MYH7: variants seen among roughly 807,000 people sequenced by gnomAD.
MYH7 encodes myosin-7.
MYH7 carries 129 observed loss-of-function variants against 225.4 expected under a neutral mutation model. That is an observed-to-expected ratio of 0.57 (90% CI 0.50 to 0.66). MYH7 has a LOEUF of 0.66. MYH7 is among the 30% of genes least tolerant of loss of function. The pLI is 0.00. For synonymous variants in MYH7, 971 were observed against 1,007.6 expected (o/e 0.96, Z 0.69); for missense variants, 1,649 against 2,517.0 (o/e 0.66, Z 7.38).
chr14:23,424,877 TGTGAA>T lies in MYH7; in HGVS notation c.2566_2570del (p.Phe856ThrfsTer29). 1.2e-6 allele frequency: 2 copies of T among 1,614,224 alleles called. No homozygotes were observed. Among genetic ancestry groups the T allele is most frequent in the Non-Finnish European group, 1.7e-6 (2 of 1,180,030 alleles). ...ACTTCTCTAGCGCCTCTTTGAGGCGTGTGAACTCCTCCTTCATGGAGGCCATCTCC... is the reference window on the plus strand; with the variant it reads ...ACTTCTCTAGCGCCTCTTTGAGGCGTCTCCTCCTTCATGGAGGCCATCTCC... On this transcript the variant is annotated frameshift_variant, in exon 22 of 40. Coordinates refer to ENST00000355349, the MANE Select transcript of MYH7 (RefSeq NM_000257.4). LOFTEE classifies it high-confidence loss of function.
chr14:23,433,592 G>C lies in MYH7; in HGVS notation c.141C>G (p.Val47=). The C allele has an allele frequency of 6.2e-7, 1 of 1,614,204 alleles. No individual in the cohort carries two copies. The highest frequency in any genetic ancestry group is 8.5e-7 in the Non-Finnish European group (1 of 1,180,036). The change falls in exon 3 of 40, where the codon GTC becomes GTG. Residue 47 remains valine (V), a synonymous_variant. Transcript: ENST00000355349. The surrounding 1 kb of genome is among the most constrained non-coding windows in gnomAD (Gnocchi z 4.1). ...VFVPDDKQEF[V]KAKIVSREGG... ...CCTCTCGAGACACGATCTTGGCCTT[G>C]ACAAACTCCTGTTTGTCATCAGGCA...
In MYH7 at chr14:23,417,659, T is replaced by C; in HGVS notation, c.4197A>G (p.Glu1399=). The change falls in exon 31 of 40, where the codon GAA becomes GAG. Residue 1399 remains glutamate, a synonymous_variant. Coordinates refer to ENST00000355349, the MANE Select transcript of MYH7 (RefSeq NM_000257.4). ...TAACAGCCTCCACGGCCTCCTCAGC[T>C]TCCTGCAGCCGCTGGGCCAGCTTCT... ...AKKKLAQRLQ[E]AEEAVEAVNA... 6.2e-7 allele frequency: 1 copy of C among 1,613,036 alleles called. No homozygotes were observed. Among genetic ancestry groups the C allele is most frequent in the Non-Finnish European group, 8.5e-7 (1 of 1,180,030 alleles).
Position 23,424,119 on chromosome 14 carries a change from G to A in MYH7, c.2710C>T (p.Arg904Cys), listed in dbSNP as rs727503253. The change falls in exon 23 of 40, where the codon CGC becomes TGC. Residue 904 changes from arginine (R) to cysteine (C), a missense_variant. Around this residue, in one of 12 missense-constraint regions of MYH7, gnomAD observed 282 missense variants for 315.3 expected, o/e 0.89. Transcript: ENST00000355349. ...TTGTTTTTGATCAGCTGATCACAGC[G>A]CTCCTCAGCATCTGCCAGGTTGTCT... Reference protein sequence around the residue: ...EQDNLADAEERCDQLIKNKIQ... With the variant: ...EQDNLADAEECCDQLIKNKIQ... 1.2e-6 allele frequency: 2 copies of A among 1,614,176 alleles called. No homozygotes were observed. The highest frequency in any genetic ancestry group is 8.5e-7 in the Non-Finnish European group (1 of 1,180,038).
Position 23,424,618 on chromosome 14 carries a change from A to G in MYH7, c.2679+151T>C, listed in dbSNP as rs959372550. ...TTCCCTCTGCCCTTTCCTCCTCCTG[A>G]GGGACCTCTTTGGAGGTCTTTAGAA... On this transcript the variant is annotated intron_variant, in intron 22 of 39. Coordinates refer to ENST00000355349, the MANE Select transcript of MYH7 (RefSeq NM_000257.4). 3.8e-6 allele frequency: 5 copies of G among 1,315,814 alleles called. No homozygotes were observed. The African/African-American group carries it at 5.9e-5, about 16-fold the overall frequency. The allele number at this position is 1,315,814 out of a possible 1,614,324, so 81.5% of individuals were successfully genotyped here. A position where few individuals can be genotyped will look rare whatever the true frequency, so the allele number is the denominator to read the frequency against.
chr14:23,426,072 T>C lies in MYH7; in HGVS notation c.2054A>G (p.Asp685Gly). 1 of 1,614,176 alleles carries C rather than the reference T, an allele frequency of 6.2e-7. No homozygotes were observed. Among genetic ancestry groups the C allele is most frequent in the Non-Finnish European group, 8.5e-7 (1 of 1,180,022 alleles). ...CAGCTGGTGCATGACCAGGGGGTTG[T>C]CCATCACCCCTGTGGCAAGAAGGAA... Reference protein sequence around the residue: ...PNETKSPGVMDNPLVMHQLRC... With the variant: ...PNETKSPGVMGNPLVMHQLRC... Residue 685 changes from aspartate (D) to glycine (G), a missense_variant, in exon 19 of 40, where the codon GAC becomes GGC. This residue lies in a region of MYH7 where 112 missense variants were observed against 161.9 expected (regional missense o/e 0.69). Transcript: ENST00000355349.
Position 23,431,660 on chromosome 14 carries a change from C to T in MYH7, c.657G>A (p.Gln219=). ...CCAGAGCAGGGTTGGCCTGGATGAT[C>T]TGGTCCTCCAGGGTGCCCTGCAGAG... ...QSPGKGTLED[Q]IIQANPALEA... Residue 219 remains glutamine (Q), a synonymous_variant, in exon 8 of 40, where the codon CAG becomes CAA. Transcript: ENST00000355349. 1 of 1,614,242 alleles carries T rather than the reference C, an allele frequency of 6.2e-7. No individual in the cohort carries two copies. Among genetic ancestry groups the T allele is most frequent in the East Asian group, 2.2e-5 (1 of 44,888 alleles).
At position 23,415,191 on chromosome 14, in the gene MYH7, T is replaced by C. The variant is rs763412364; in HGVS notation, c.5363A>G (p.Gln1788Arg). 6.2e-7 allele frequency: 1 copy of C among 1,614,278 alleles called. No individual in the cohort carries two copies. The highest frequency in any genetic ancestry group is 2.2e-5 in the East Asian group (1 of 44,880). Reference protein sequence around the residue: ...HLERMKKNMEQTIKDLQHRLD... With the variant: ...HLERMKKNMERTIKDLQHRLD... ...CCGGTGCTGCAGGTCCTTAATGGTC[T>C]GTTCCATGTTCTTCTTCATGCGCTC... Residue 1788 changes from glutamine (Q) to arginine (R), a missense_variant, in exon 37 of 40, where the codon CAG (glutamine) becomes CGG (arginine). By Grantham distance (43) the Gln-to-Arg change is conservative (BLOSUM62 1). Around this residue, in one of 12 missense-constraint regions of MYH7, gnomAD observed 687 missense variants for 913.8 expected, o/e 0.75. Transcript: ENST00000355349. This position sits in a 1 kb window ranked among gnomAD's most constrained non-coding sequence, Gnocchi z 6.3.
rs876657885 is a variant in MYH7, at chr14:23,415,473, C to T, written c.5191G>A (p.Asp1731Asn). ...GTCTGGAGCTGGGACAGGTCAGCAT[C>T]CATCTTCTTCTTCTGGTTGATGAGG... ...TSLINQKKKM[D>N]ADLSQLQTEV... Residue 1731 changes from aspartate to asparagine, a missense_variant, in exon 36 of 40, where the codon GAT (aspartate) becomes AAT (asparagine). By Grantham distance (23) the Asp-to-Asn change is conservative. Coordinates refer to ENST00000355349, the MANE Select transcript of MYH7 (RefSeq NM_000257.4). The surrounding 1 kb of genome is among the most constrained non-coding windows in gnomAD (Gnocchi z 6.3). The T allele has an allele frequency of 1.2e-5, 20 of 1,614,112 alleles. No individual in the cohort carries two copies. The highest frequency in any genetic ancestry group is 1.6e-4 in the Middle Eastern group (1 of 6,084).
intron 24 of MYH7, 97 bp from the exon 25 acceptor site, chr14:23,422,422 C>T: frequency 6.4e-7 from 1 of 1,570,348 alleles, no homozygotes; most frequent in Non-Finnish European, 8.7e-7. Context: ...TCTTTGTGTT[C>T]AGGACTTGGG....
chr14:23,430,887 T>C lies in MYH7; in HGVS notation c.895+14A>G. 1 of 1,592,394 alleles carries C rather than the reference T, an allele frequency of 6.3e-7. No individual in the cohort carries two copies. Among genetic ancestry groups the C allele is most frequent in the Non-Finnish European group, 8.6e-7 (1 of 1,160,254 alleles). On this transcript the variant is annotated intron_variant, in intron 10 of 39. Transcript: ENST00000355349. ...CATGGAGATAGTTGGTCTCAGTCGGTGGCTCTGACTCACCCAGCAGCTCAG... is the reference window on the plus strand; with the variant it reads ...CATGGAGATAGTTGGTCTCAGTCGGCGGCTCTGACTCACCCAGCAGCTCAG...
At chr14:23,418,974 C>G (rs28631169) in intron 29 of MYH7, among the ~76,000 whole-genome samples, 1 of 152,054 alleles carries the variant, frequency 6.6e-6, no homozygotes, top group Non-Finnish European at 1.5e-5. Context: ...CCCTGCCTCC[C>G]GTCCAGGGAT....
intron 12 of MYH7, 90 bp downstream of exon 12, chr14:23,429,685 A>G (rs1175090028): frequency 3.9e-6 from 6 of 1,555,846 alleles, no homozygotes; most frequent in Admixed American, 1.9e-5. Flanking sequence ...CAAAAAAAAA[A>G]AAAAAAGAAA....
chr14:23,432,724 C>G lies in MYH7; in HGVS notation c.417G>C (p.Val139=). 1 of 1,614,132 alleles carries G rather than the reference C, an allele frequency of 6.2e-7. No homozygotes were observed. The highest frequency in any genetic ancestry group is 8.5e-7 in the Non-Finnish European group (1 of 1,180,028). Residue 139 remains valine, a synonymous_variant, in exon 5 of 40, where the codon GTG becomes GTC. Coordinates refer to ENST00000355349, the MANE Select transcript of MYH7 (RefSeq NM_000257.4). ...KWLPVYTPEV[V]AAYRGKKRSE... is the part of the protein sequence containing the mutation. The stretch of plus-strand genomic sequence containing the variant: ...TCCTCTTCTTGCCCCGGTAGGCAGC[C>G]ACCACCTCAGGAGTGTACACCGGCA...
In MYH7 at chr14:23,433,176, C is replaced by T. The variant is rs770246266; in HGVS notation, c.253G>A (p.Asp85Asn). The T allele has an allele frequency of 3.1e-6, 5 of 1,613,984 alleles. No individual in the cohort carries two copies. The highest frequency in any genetic ancestry group is 3.3e-5 in the Admixed American group (2 of 59,998). The change falls in exon 4 of 40, where the codon GAC becomes AAC. Residue 85 changes from aspartate (D) to asparagine (N), a missense_variant. Asp to Asn is a conservative substitution (Grantham distance 23, BLOSUM62 1). This residue lies in a region of MYH7 where 77 missense variants were observed against 144.0 expected (regional missense o/e 0.53). Transcript: ENST00000355349. This position sits in a 1 kb window ranked among gnomAD's most constrained non-coding sequence, Gnocchi z 4.1. ...AGCATGGCCATGTCCTCGATTTTGT[C>T]GAACTTGGGTGGGTTCTGCTGCATC... ...QVMQQNPPKF[D>N]KIEDMAMLTF...
intron 37 of MYH7, among the ~76,000 whole-genome samples, chr14:23,414,417 G>A (rs937671095): frequency 2.6e-5 from 4 of 152,104 alleles, no homozygotes; most frequent in African/African-American, 9.7e-5. Context: ...TCTGGACCTC[G>A]GCACATGCTG....
intron 12 of MYH7, 136 bp from the exon 13 acceptor site, chr14:23,429,483 C>T (rs1039556566): frequency 1.1e-6 from 1 of 933,858 alleles, no homozygotes; most frequent in African/African-American, 1.6e-5. Context: ...TGAGACCAAC[C>T]TGGCCAACAT....
Position 23,433,154 on chromosome 14 carries a change from A to T in MYH7, c.275T>A (p.Met92Lys). 6.2e-7 allele frequency: 1 copy of T among 1,614,126 alleles called. No homozygotes were observed. The highest frequency in any genetic ancestry group is 8.5e-7 in the Non-Finnish European group (1 of 1,180,024). Reference sequence around the variant, plus strand: ...CGCGGGCTCATGCAGGAAGGTCAGCATGGCCATGTCCTCGATTTTGTCGAA... The same window carrying T: ...CGCGGGCTCATGCAGGAAGGTCAGCTTGGCCATGTCCTCGATTTTGTCGAA... ...PKFDKIEDMA[M>K]LTFLHEPAVL... Residue 92 changes from methionine to lysine, a missense_variant, in exon 4 of 40, where the codon ATG becomes AAG. Transcript: ENST00000355349. This position sits in a 1 kb window ranked among gnomAD's most constrained non-coding sequence, Gnocchi z 4.1.
chr14:23,428,396 C>T, intron 15 of MYH7, 104 bp downstream of exon 15: 1 of 1,572,442 alleles, frequency 6.4e-7, no homozygotes. Flanking sequence ...CCTTCAGCCC[C>T]TTCTATTTTT....
Sources: gnomAD v4.1 joint callset for allele counts (sites outside exome capture counted in the v4.1 genomes callset) on GRCh38, gnomAD v4.1.1 for gene constraint, gnomAD v4.1.1 regional missense constraint, Gnocchi (gnomAD v3.1) non-coding constraint, MANE v1.5 for transcripts, NCBI Gene and HGNC (gene_info 2026-07-23, HGNC 2026-07-21) for gene names.